SRGAP1: variants seen among roughly 807,000 people sequenced by gnomAD.
SRGAP1 encodes the protein SLIT-ROBO Rho GTPase-activating protein 1.
Under a neutral mutation model 121.9 loss-of-function variants are expected in SRGAP1, and 43 were observed. The observed-to-expected ratio is 0.35, with a 90% CI of 0.28 to 0.46. SRGAP1 has a LOEUF of 0.46. SRGAP1 is among the 20% of genes least tolerant of loss of function. The probability of loss-of-function intolerance (pLI) is 1.00; values close to 1 mark genes in which losing one functional copy is unlikely to be tolerated. For synonymous variants in SRGAP1, 447 were observed against 485.4 expected, an observed-to-expected ratio of 0.92 and a Z score of 1.04; for missense variants, 1,102 against 1,350.9, an observed-to-expected ratio of 0.82 and a Z score of 2.89.
At position 64,151,532 on chromosome 12, in the gene SRGAP1, A is replaced by C. The variant is rs1284821943; in HGVS notation, c.*8860A>C. ...CCAAAAAGTGAAATCACTGGGTCAG[A>C]GGATGCAATTATCTGTAAGGCTCAT... is the stretch of plus-strand genomic sequence containing the variant. On this transcript the variant is annotated 3_prime_UTR_variant, in exon 22 of 22. Transcript: ENST00000355086. 6.6e-6 allele frequency: 1 copy of C among 152,200 alleles called. No individual in the cohort carries two copies. Among genetic ancestry groups the C allele is most frequent in the Non-Finnish European group, 1.5e-5 (1 of 68,040 alleles). The allele number at this position is 152,200 out of a possible 1,614,324, so 9.4% of individuals were successfully genotyped here. A position where few individuals can be genotyped will look rare whatever the true frequency, so the allele number is the denominator to read the frequency against.
In SRGAP1 at chr12:64,144,413, C is replaced by T. The variant is rs1042261237; in HGVS notation, c.*1741C>T. Reference sequence around the variant, plus strand: ...GGTGAATGCATCGTGCAGAAAAGAACTGGGATCTGTACTAAAATCAAGATC... The same window carrying T: ...GGTGAATGCATCGTGCAGAAAAGAATTGGGATCTGTACTAAAATCAAGATC... On this transcript the variant is annotated 3_prime_UTR_variant, in exon 22 of 22. Transcript: ENST00000355086. The T allele has an allele frequency of 7.9e-5, 12 of 152,152 alleles. No homozygotes were observed. Among genetic ancestry groups the T allele is most frequent in the African/African-American group, 2.9e-4 (12 of 41,434 alleles). The allele number at this position is 152,152 out of a possible 1,614,324, so 9.4% of individuals were successfully genotyped here. A position where few individuals can be genotyped will look rare whatever the true frequency, so the allele number is the denominator to read the frequency against.
chr12:64,025,085 T>C (rs955381555), intron 4 of SRGAP1, among the ~76,000 whole-genome samples: 5 of 151,628 alleles, frequency 3.3e-5, no homozygotes, highest in Non-Finnish European at 7.4e-5. Flanking sequence ...GCAGAGTTGA[T>C]GTGAGCACAG....
chr12:63,996,431 A>G (rs2033712671), intron 3 of SRGAP1, among the ~76,000 whole-genome samples: 1 of 151,762 alleles, frequency 6.6e-6, no homozygotes. Context: ...TAAATCTATG[A>G]TTTTTTTTCT....
chr12:63,925,465 G>A (rs1355537212), intron 1 of SRGAP1, among the ~76,000 whole-genome samples: 1 of 152,180 alleles, frequency 6.6e-6, no homozygotes, highest in African/African-American at 2.4e-5. Flanking sequence ...TTAGTAGGAT[G>A]TACCTGCAGT....
rs974543849 is a variant in SRGAP1 at position 64,147,841 on chromosome 12, G to T, written c.*5169G>T. ...AAATAAGATAGTTCTGGCTGCCTTTGTCTGCTTCCAGTTTGATGTGCATCT... is the reference window on the plus strand; with the variant it reads ...AAATAAGATAGTTCTGGCTGCCTTTTTCTGCTTCCAGTTTGATGTGCATCT... On this transcript the variant is annotated 3_prime_UTR_variant, in exon 22 of 22. Transcript: ENST00000355086. The T allele has an allele frequency of 2.3e-5, 9 of 395,926 alleles. No homozygotes were observed. Among genetic ancestry groups the T allele is most frequent in the Admixed American group, 1.8e-4 (4 of 22,650 alleles). The allele number at this position is 395,926 out of a possible 1,614,324, so 24.5% of individuals were successfully genotyped here. A position where few individuals can be genotyped will look rare whatever the true frequency, so the allele number is the denominator to read the frequency against.
chr12:63,932,249 C>T (rs925383082), intron 1 of SRGAP1, among the ~76,000 whole-genome samples: 1 of 152,184 alleles, frequency 6.6e-6, no homozygotes, highest in African/African-American at 2.4e-5. Flanking sequence ...CCACTGCACT[C>T]TAGCCTGGAC....
intron 21 of SRGAP1, among the ~76,000 whole-genome samples, chr12:64,141,221 A>G (rs1297771448): frequency 1.3e-5 from 2 of 148,422 alleles, no homozygotes; most frequent in Non-Finnish European, 3.0e-5. Flanking sequence ...ATGTATACAT[A>G]TGTAACTAAC....
chr12:64,161,565 T>C lies in SRGAP1; in HGVS notation c.*18893T>C, dbSNP rs1039796839. ...TGACAGGTCCTATATATTTTTTTAT[T>C]TTGAGATTATTAGTGATAGTTCTTC... On this transcript the variant is annotated 3_prime_UTR_variant, in exon 22 of 22. Coordinates refer to ENST00000355086, the MANE Select transcript of SRGAP1 (RefSeq NM_020762.4). 1 of 152,160 alleles carries C rather than the reference T, an allele frequency of 6.6e-6. No homozygotes were observed. The highest frequency in any genetic ancestry group is 2.4e-5 in the African/African-American group (1 of 41,454). The allele number at this position is 152,160 out of a possible 1,614,324, so 9.4% of individuals were successfully genotyped here.
chr12:64,008,663 G>A (rs2034159868), intron 3 of SRGAP1, among the ~76,000 whole-genome samples: 1 of 152,046 alleles, frequency 6.6e-6, no homozygotes, highest in East Asian at 1.9e-4. Flanking sequence ...AGACTGTAAG[G>A]CCACTTTTCT....
Position 63,913,690 on chromosome 12 carries a change from A to C in SRGAP1, c.67+68807A>C, listed in dbSNP as rs548997157. On this transcript the variant is annotated intron_variant, in intron 1 of 21. Coordinates refer to ENST00000355086, the MANE Select transcript of SRGAP1 (RefSeq NM_020762.4). ...ATACTTTTATATTAGCATCTCTAAT[A>C]TTTTATTGCAATATTTGTACATGGA... Among the ~76,000 whole-genome samples the C allele has an allele frequency of 2.0e-5, 3 of 151,800 alleles. No individual in the cohort carries two copies. In the South Asian group the frequency reaches 6.2e-4, roughly 32 times the overall value.
intron 1 of SRGAP1, among the ~76,000 whole-genome samples, chr12:63,852,980 A>G (rs1350571920): frequency 6.6e-6 from 1 of 151,588 alleles, no homozygotes; most frequent in Non-Finnish European, 1.5e-5. Flanking sequence ...CATGGTGATC[A>G]TTCAGAATTA....
chr12:63,881,966 C>T (rs1232871092), intron 1 of SRGAP1, among the ~76,000 whole-genome samples: 1 of 151,724 alleles, frequency 6.6e-6, no homozygotes, highest in East Asian at 1.9e-4. Flanking sequence ...TCAAGGACTG[C>T]AGTATTGGGA....
rs755722047 is a variant in SRGAP1, at chr12:64,091,325, C to G, written c.1486C>G (p.Arg496Gly). 3 of 1,611,516 alleles carry G rather than the reference C, an allele frequency of 1.9e-6. No individual in the cohort carries two copies. Among genetic ancestry groups the G allele is most frequent in the Non-Finnish European group, 2.5e-6 (3 of 1,178,464 alleles). ...KPQKHRKSRP[R>G]SQYNTKLFNG... ...CCAGAAACACAGGAAGTCCAGGCCC[C>G]GCTCACAGTATAATACTAAGTTGTT... is the stretch of plus-strand genomic sequence containing the variant. The change falls in exon 12 of 22, where the codon CGC becomes GGC. Residue 496 changes from arginine (R) to glycine (G), a missense_variant. Arg to Gly is a moderately radical substitution (Grantham distance 125). This residue lies in a region of SRGAP1 where 747 missense variants were observed against 929.4 expected (regional missense o/e 0.80). Coordinates refer to ENST00000355086, the MANE Select transcript of SRGAP1 (RefSeq NM_020762.4).
intron 8 of SRGAP1, among the ~76,000 whole-genome samples, chr12:64,077,339 A>C (rs2035756063): frequency 6.6e-6 from 1 of 152,050 alleles, no homozygotes; most frequent in Non-Finnish European, 1.5e-5. Flanking sequence ...AAACAGACAC[A>C]TACTAAAAAG....
intron 17 of SRGAP1, among the ~76,000 whole-genome samples, chr12:64,112,605 T>C (rs994758072): frequency 6.6e-6 from 1 of 152,224 alleles, no homozygotes; most frequent in Non-Finnish European, 1.5e-5. Flanking sequence ...TGTGTAGATA[T>C]ACCATAATTT....
At chr12:64,070,158 C>G (rs2035614214) in intron 8 of SRGAP1, among the ~76,000 whole-genome samples, 1 of 152,190 alleles carries the variant, frequency 6.6e-6, no homozygotes, top group Admixed American at 6.5e-5. Flanking sequence ...TCTGCTTTAT[C>G]AAAGTTTGCA....
intron 1 of SRGAP1, among the ~76,000 whole-genome samples, chr12:63,929,574 AGT>A (rs2031390649): frequency 7.3e-6 from 1 of 136,378 alleles, no homozygotes. Context: ...AGCCCCCACG[AGT>A]TTTTTTTTTT....
At chr12:64,114,614 G>T (rs149957960) in intron 17 of SRGAP1, among the ~76,000 whole-genome samples, 3,308 of 152,286 alleles carry the variant, frequency 0.022, 59 homozygotes, top group South Asian at 0.11. Flanking sequence ...GCCTTCCAAA[G>T]TGCTGGGATT....
intron 18 of SRGAP1, among the ~76,000 whole-genome samples, chr12:64,124,270 T>C (rs1335461379): frequency 6.6e-6 from 1 of 152,246 alleles, no homozygotes; most frequent in Non-Finnish European, 1.5e-5. Context: ...CAAGAATTTC[T>C]CATGCAATGA....
Sources: gnomAD v4.1 joint callset for allele counts (sites outside exome capture counted in the v4.1 genomes callset) on GRCh38, gnomAD v4.1.1 for gene constraint, gnomAD v4.1.1 regional missense constraint, MANE v1.5 for transcripts, NCBI Gene and HGNC (gene_info 2026-07-23, HGNC 2026-07-21) for gene names.